The following SPRY3 variants were observed in gnomAD, a reference collection of about 807,000 sequenced individuals.
SPRY3 encodes sprouty RTK signaling antagonist 3.
SPRY3 carries 15 observed loss-of-function variants against 20.2 expected under a neutral mutation model. The observed-to-expected ratio is 0.74, with a 90% CI of 0.50 to 1.14. The LOEUF is 1.14. SPRY3 is among the 50% of genes most tolerant of loss of function. SPRY3 has a pLI of 0.00. For missense variants in SPRY3, 364 were observed against 363.9 expected (o/e 1.00, Z 0.00); for synonymous variants, 143 against 136.5 (o/e 1.05, Z -0.33).
chrX:155,741,838 G>C (rs2091205713), intron 2 of SPRY3, among the ~76,000 whole-genome samples: 1 of 152,140 alleles, frequency 6.6e-6, no homozygotes, highest in South Asian at 2.1e-4. Context: ...AAGAGCTCCT[G>C]AAGGAAGCAC....
exon 4 of SPRY3, chrX:155,774,080 A>C (rs765792253): frequency 6.8e-6 from 11 of 1,613,824 alleles, no homozygotes; most frequent in Non-Finnish European, 9.3e-6. Context: ...AGCCAGTGCC[A>C]TCAACTGCAG....
intron 2 of SPRY3, among the ~76,000 whole-genome samples, chrX:155,688,113 CT>C (rs755392813): frequency 9.6e-6 from 1 of 103,698 alleles, no homozygotes; most frequent in East Asian, 3.1e-4. Context: ...TCAGCTCCCA[CT>C]TATAAGTGAG....
At chrX:155,747,687 A>G (rs1424416778) in intron 2 of SPRY3, among the ~76,000 whole-genome samples, 1 of 151,992 alleles carries the variant, frequency 6.6e-6, no homozygotes, top group Non-Finnish European at 1.5e-5. Flanking sequence ...CTATGAGGAA[A>G]TGACTGCCTG....
At chrX:155,640,973 A>G (rs1296538405) in intron 1 of SPRY3, among the ~76,000 whole-genome samples, 1 of 111,547 alleles carries the variant, frequency 9.0e-6, no homozygotes, top group African/African-American at 3.3e-5. Flanking sequence ...ATTGAATACC[A>G]GTAGTTAAAG....
chrX:155,774,131 C>T, exon 4 of SPRY3: 1 of 1,614,008 alleles, frequency 6.2e-7, no homozygotes, highest in Non-Finnish European at 8.5e-7. Flanking sequence ...ATTGCCAGCT[C>T]AATGTCCCAT....
At chrX:155,751,335 T>G (rs984369131) in intron 2 of SPRY3, among the ~76,000 whole-genome samples, 5 of 151,948 alleles carry the variant, frequency 3.3e-5, no homozygotes, top group Non-Finnish European at 7.4e-5. Flanking sequence ...GAAATTGGCT[T>G]TACTGCAGCA....
At chrX:155,774,041 C>T in exon 4 of SPRY3, 1 of 1,613,952 alleles carries the variant, frequency 6.2e-7, no homozygotes. Flanking sequence ...TCTCTGGCTA[C>T]CATGCCTACT....
chrX:155,655,651 C>A (rs1384667101), intron 1 of SPRY3, among the ~76,000 whole-genome samples: 1 of 111,138 alleles, frequency 9.0e-6, no homozygotes, highest in Admixed American at 9.6e-5. Context: ...GTTGTGGATA[C>A]GTGGCTTTAT....
Position 155,619,674 on chromosome X carries a change from A to G in SPRY3, c.-441+7027A>G, listed in dbSNP as rs1391991949. Among the ~76,000 whole-genome samples the G allele has an allele frequency of 3.9e-4, 44 of 111,641 alleles. 1 individual carries two copies. Among genetic ancestry groups the G allele is most frequent in the Non-Finnish European group, 2.6e-4 (14 of 52,965 alleles). On this transcript the variant is annotated intron_variant, in intron 1 of 3. Transcript: ENST00000675360. Reference sequence around the variant, plus strand: ...AATAGAAAAAAAATCATTAACCATAAAAGTTTAAAGTGATAAACTTCATTA... The same window carrying G: ...AATAGAAAAAAAATCATTAACCATAGAAGTTTAAAGTGATAAACTTCATTA...
intron 2 of SPRY3, among the ~76,000 whole-genome samples, chrX:155,723,015 G>C (rs111713155): frequency 6.9e-6 from 1 of 144,844 alleles, no homozygotes; most frequent in Non-Finnish European, 1.5e-5. Context: ...TCCCACCTAT[G>C]AGTGAGAACA....
chrX:155,650,033 C>G, intron 1 of SPRY3, among the ~76,000 whole-genome samples: 1 of 110,950 alleles, frequency 9.0e-6, no homozygotes, highest in Middle Eastern at 4.6e-3. Context: ...AATAAAATAC[C>G]TAGGAATACA....
intron 2 of SPRY3, among the ~76,000 whole-genome samples, chrX:155,748,491 A>G (rs1295776564): frequency 6.6e-6 from 1 of 151,868 alleles, no homozygotes; most frequent in Admixed American, 6.6e-5. Context: ...AATAACCCCA[A>G]GGTCAGAGGT....
intron 2 of SPRY3, 190 bp from the exon 2 acceptor site, chrX:155,767,757 AGAGGAGGAGGAGGAG>A (rs2091349031): frequency 1.5e-5 from 2 of 133,336 alleles, no homozygotes; most frequent in African/African-American, 7.0e-5. Flanking sequence ...AGGAGGAGAG[AGAGGAGGAGGAGGAG>A]AAAGAGGAGG....
At chrX:155,760,570 T>C (rs1193034582) in intron 2 of SPRY3, among the ~76,000 whole-genome samples, 2 of 152,056 alleles carry the variant, frequency 1.3e-5, no homozygotes, top group Non-Finnish European at 2.9e-5. Context: ...TCCCTAAACT[T>C]TTTGGCACCA....
At chrX:155,745,568 C>A (rs758812233) in intron 2 of SPRY3, among the ~76,000 whole-genome samples, 1 of 152,124 alleles carries the variant, frequency 6.6e-6, no homozygotes, top group African/African-American at 2.4e-5. Context: ...AACAAAAAAT[C>A]ATCCTTGACA....
intron 2 of SPRY3, among the ~76,000 whole-genome samples, chrX:155,679,418 G>A (rs2068067136): frequency 1.0e-5 from 1 of 99,468 alleles, no homozygotes; most frequent in African/African-American, 3.8e-5. Flanking sequence ...CAAAGATGGT[G>A]CCTCTTGCTG....
chrX:155,721,866 G>A (rs1490157445), intron 2 of SPRY3, among the ~76,000 whole-genome samples: 1 of 151,970 alleles, frequency 6.6e-6, no homozygotes, highest in African/African-American at 2.4e-5. Context: ...ATCACCTGAA[G>A]GTACAAAACT....
At chrX:155,761,730 T>TTA (rs1217144748) in intron 2 of SPRY3, among the ~76,000 whole-genome samples, 1 of 150,460 alleles carries the variant, frequency 6.6e-6, no homozygotes, top group Non-Finnish European at 1.5e-5. Flanking sequence ...TTTTTTTTTT[T>TTA]ACTTTTTAAT....
intron 2 of SPRY3, among the ~76,000 whole-genome samples, chrX:155,673,065 T>G (rs2068047604): frequency 5.8e-5 from 1 of 17,189 alleles, no homozygotes; most frequent in Non-Finnish European, 1.3e-4. Context: ...GGGACTGTTG[T>G]GGGGTGGGGT....
Sources: gnomAD v4.1 joint callset for allele counts (sites outside exome capture counted in the v4.1 genomes callset) on GRCh38, gnomAD v4.1.1 for gene constraint, MANE v1.5 for transcripts, NCBI Gene and HGNC (gene_info 2026-07-23, HGNC 2026-07-21) for gene names.